The following KRABD5 variants were observed in gnomAD, a reference collection of about 807,000 sequenced individuals.
The protein encoded by KRABD5 is KRAB domain-containing protein 5.
chr16:31,713,590 C>T, the KRABD5 span: 2 of 1,167,928 alleles, frequency 1.7e-6, no homozygotes, highest in South Asian at 1.6e-5. Context: ...GCGGCCGGGC[C>T]GGCAGCCGGG....
the KRABD5 span, among the ~76,000 whole-genome samples, chr16:31,717,703 C>G: frequency 6.6e-6 from 1 of 152,080 alleles, no homozygotes; most frequent in Non-Finnish European, 1.5e-5. Flanking sequence ...TCGTTTCTAC[C>G]ATTGTGCATC....
the KRABD5 span, among the ~76,000 whole-genome samples, chr16:31,733,911 ATACACGGATGTAG>A: frequency 1.3e-5 from 2 of 152,134 alleles, no homozygotes; most frequent in Non-Finnish European, 2.9e-5. Flanking sequence ...AATATTTTGG[ATACACGGATGTAG>A]TACCATGTGT....
At chr16:31,727,304 G>A in the KRABD5 span, among the ~76,000 whole-genome samples, 1 of 152,184 alleles carries the variant, frequency 6.6e-6, no homozygotes, top group African/African-American at 2.4e-5. Flanking sequence ...TTGCAGGGCA[G>A]GTGAGCCCCC....
chr16:31,728,898 T>C, the KRABD5 span, among the ~76,000 whole-genome samples: 2 of 152,212 alleles, frequency 1.3e-5, no homozygotes, highest in South Asian at 2.1e-4. Context: ...TTTTGTTGTA[T>C]TTCTGTATAT....
At chr16:31,758,414 G>T in the KRABD5 span, 2 of 151,720 alleles carry the variant, frequency 1.3e-5, no homozygotes. Flanking sequence ...GAACATCACA[G>T]TAATAATTAC....
the KRABD5 span, among the ~76,000 whole-genome samples, chr16:31,733,867 C>T: frequency 1.3e-5 from 2 of 152,140 alleles, no homozygotes; most frequent in Admixed American, 1.3e-4. Context: ...GGTGTGCAAA[C>T]ATCTATTCCG....
the KRABD5 span, among the ~76,000 whole-genome samples, chr16:31,725,726 TA>T: frequency 6.6e-6 from 1 of 152,254 alleles, no homozygotes; most frequent in African/African-American, 2.4e-5. Flanking sequence ...CCCTGATGAT[TA>T]ATTATATTCA....
chr16:31,754,333 A>G, the KRABD5 span: 1 of 613,104 alleles, frequency 1.6e-6, no homozygotes, highest in East Asian at 2.7e-5. Context: ...TCATTCATTC[A>G]TCATTGCTTA....
the KRABD5 span, among the ~76,000 whole-genome samples, chr16:31,747,156 A>G: frequency 2.0e-5 from 2 of 100,592 alleles, no homozygotes; most frequent in Admixed American, 1.1e-4. Flanking sequence ...CCACCCCACA[A>G]CAGGCCCCAG....
the KRABD5 span, chr16:31,723,195 C>A: frequency 1.3e-6 from 2 of 1,532,594 alleles, no homozygotes; most frequent in Admixed American, 1.9e-5. Context: ...TACTGAGTAT[C>A]CTACTGAGCT....
At chr16:31,719,224 A>T in the KRABD5 span, among the ~76,000 whole-genome samples, 18 of 152,214 alleles carry the variant, frequency 1.2e-4, no homozygotes, top group Non-Finnish European at 2.2e-4. Flanking sequence ...TTGATTTGGG[A>T]CACTGTCCTT....
the KRABD5 span, among the ~76,000 whole-genome samples, chr16:31,753,054 A>G: frequency 2.6e-5 from 4 of 152,126 alleles, no homozygotes; most frequent in Non-Finnish European, 4.4e-5. Flanking sequence ...TGATCAAGTA[A>G]GAGACAGCTA....
chr16:31,716,702 T>C, the KRABD5 span, among the ~76,000 whole-genome samples: 2 of 152,148 alleles, frequency 1.3e-5, no homozygotes, highest in Non-Finnish European at 2.9e-5. Flanking sequence ...TTTATGTGCA[T>C]GCGGTGTGTC....
chr16:31,742,410 G>A, the KRABD5 span, among the ~76,000 whole-genome samples: 1 of 152,080 alleles, frequency 6.6e-6, no homozygotes, highest in Non-Finnish European at 1.5e-5. Flanking sequence ...AACATGCAGT[G>A]TTTTGGTTTT....
chr16:31,724,906 T>C, the KRABD5 span, among the ~76,000 whole-genome samples: 1 of 152,166 alleles, frequency 6.6e-6, no homozygotes, highest in Admixed American at 6.5e-5. Context: ...CTCACCTTTT[T>C]TTAGATTCCA....
the KRABD5 span, chr16:31,722,675 G>C: frequency 6.2e-7 from 1 of 1,613,144 alleles, no homozygotes; most frequent in Non-Finnish European, 8.5e-7. Context: ...CGGGAGGAGT[G>C]GGAACACCTG....
chr16:31,721,280 T>C, the KRABD5 span, among the ~76,000 whole-genome samples: 1 of 152,158 alleles, frequency 6.6e-6, no homozygotes, highest in African/African-American at 2.4e-5. Flanking sequence ...ACCATTTCTA[T>C]GTACGTATGT....
At chr16:31,756,666 G>GTAAGTATATAT in the KRABD5 span, 1 of 152,004 alleles carries the variant, frequency 6.6e-6, no homozygotes, top group African/African-American at 2.4e-5. Context: ...TTATATGGGG[G>GTAAGTATATAT]TATACTTAAA....
the KRABD5 span, among the ~76,000 whole-genome samples, chr16:31,737,178 C>G: frequency 1.3e-5 from 2 of 151,622 alleles, no homozygotes; most frequent in Admixed American, 1.3e-4. Flanking sequence ...TCCTATTCAA[C>G]ATAGTACTAG....
Sources: gnomAD v4.1 joint callset for allele counts (sites outside exome capture counted in the v4.1 genomes callset) on GRCh38, gnomAD v4.1.1 for gene constraint, MANE v1.5 for transcripts, NCBI Gene and HGNC (gene_info 2026-07-23, HGNC 2026-07-21) for gene names.